Variants in PLEKHA1 observed in about 807,000 individuals in gnomAD.
PLEKHA1 encodes pleckstrin homology domain containing A1.
A neutral mutation model predicts 52.0 loss-of-function variants in PLEKHA1; 34 were observed. The observed-to-expected ratio is 0.65, with a 90% CI of 0.50 to 0.87. The LOEUF (loss-of-function observed/expected upper bound fraction) is 0.87. Among genes scored for constraint, PLEKHA1 ranks in the 40% least tolerant of loss-of-function variants. The pLI is 0.00. For missense variants in PLEKHA1, 497 were observed against 504.2 expected, an observed-to-expected ratio of 0.99 and a Z score of 0.14; for synonymous variants, 163 against 170.7, an observed-to-expected ratio of 0.95 and a Z score of 0.35.
In PLEKHA1 at chr10:122,412,826, A is replaced by G. The variant is rs1013723709; in HGVS notation, c.343-94A>G. On this transcript the variant is annotated intron_variant, in intron 5 of 11. Transcript: ENST00000368990. ...ATTTTTATATGTATCTGTCAACCGT[A>G]TGCAAACGGATGAATAATTAGAAAT... is the stretch of plus-strand genomic sequence containing the variant. The G allele has an allele frequency of 2.2e-6, 3 of 1,370,584 alleles. No homozygotes were observed. The East Asian group carries it at 7.0e-5, about 32-fold the overall frequency. The allele number at this position is 1,370,584 out of a possible 1,614,324, so 84.9% of individuals were successfully genotyped here. A position where few individuals can be genotyped will look rare whatever the true frequency, so the allele number is the denominator to read the frequency against.
intron 4 of PLEKHA1, among the ~76,000 whole-genome samples, chr10:122,401,701 G>A (rs1376288437): frequency 1.3e-5 from 2 of 152,198 alleles, no homozygotes; most frequent in Non-Finnish European, 2.9e-5. Flanking sequence ...GTTGAAAAGT[G>A]GGTGGTAGTC....
At chr10:122,433,600 C>G (rs1201744860), downstream of PLEKHA1, 1 of 152,088 alleles carries the variant, frequency 6.6e-6, no homozygotes, top group Non-Finnish European at 1.5e-5. Context: ...CTTAGACCTT[C>G]AGATCTCTGT....
intron 5 of PLEKHA1, among the ~76,000 whole-genome samples, chr10:122,410,910 A>G (rs1590713403): frequency 6.6e-6 from 1 of 152,106 alleles, no homozygotes; most frequent in Non-Finnish European, 1.5e-5. Flanking sequence ...CTCTGGTTTC[A>G]GGTTCTCTTA....
intron 8 of PLEKHA1, chr10:122,423,672 ATAG>A: frequency 6.5e-6 from 1 of 152,772 alleles, no homozygotes; most frequent in Non-Finnish European, 1.5e-5. Flanking sequence ...CAGCACATGA[ATAG>A]TAGTACATGT....
intron 5 of PLEKHA1, chr10:122,411,653 G>T (rs2097108063): frequency 6.6e-6 from 1 of 152,154 alleles, no homozygotes; most frequent in Non-Finnish European, 1.5e-5. Context: ...CGAAGCAGGG[G>T]AATCTGAAGT....
intron 3 of PLEKHA1, 99 bp downstream of exon 3, chr10:122,398,073 T>A (rs2096875264): frequency 2.2e-6 from 2 of 922,514 alleles, no homozygotes; most frequent in African/African-American, 1.6e-5. Flanking sequence ...CCTTTAACAG[T>A]GATGTTCAGA....
At chr10:122,387,854 A>G (rs1386749333) in intron 1 of PLEKHA1, 2 of 152,188 alleles carry the variant, frequency 1.3e-5, no homozygotes, top group Admixed American at 1.3e-4. Context: ...GATTTCCTAC[A>G]TGACAGCTGA....
chr10:122,439,241 G>A, the PLEKHA1 span: 1 of 152,066 alleles, frequency 6.6e-6, no homozygotes, highest in African/African-American at 2.4e-5. Context: ...GTCAAGATAT[G>A]TTATTTTAAA....
At position 122,431,732 on chromosome 10, in the gene PLEKHA1, T is replaced by G. The variant is rs748895189; in HGVS notation, c.*1794T>G. 6.6e-5 allele frequency: 10 copies of G among 152,608 alleles called. No individual in the cohort carries two copies. Among genetic ancestry groups the G allele is most frequent in the Non-Finnish European group, 1.2e-4 (8 of 68,032 alleles). 9.5% of individuals were successfully genotyped at this position (152,608 alleles called of 1,614,324 possible). ...TTCATAAGCTAATATTTTTTTAAAG[T>G]TACATTAAGATTTTTTCTCTTTTGC... On this transcript the variant is annotated 3_prime_UTR_variant, in exon 12 of 12. Coordinates refer to ENST00000368990, the MANE Select transcript of PLEKHA1 (RefSeq NM_001001974.4).
At chr10:122,417,860 T>C (rs1199323224) in intron 7 of PLEKHA1, 40 bp from the exon 8 acceptor site, 1 of 1,501,264 alleles carries the variant, frequency 6.7e-7, no homozygotes, top group Non-Finnish European at 9.2e-7. Context: ...TTTGACATTC[T>C]TAGAAACACA....
chr10:122,413,070 G>T, intron 6 of PLEKHA1, 25 bp downstream of exon 6: 1 of 1,593,354 alleles, frequency 6.3e-7, no homozygotes, highest in Non-Finnish European at 8.6e-7. Context: ...CTTCTATTGT[G>T]TGAGGGTCTA....
intron 1 of PLEKHA1, among the ~76,000 whole-genome samples, chr10:122,379,432 G>A (rs201996453): frequency 6.6e-6 from 1 of 152,134 alleles, no homozygotes; most frequent in Non-Finnish European, 1.5e-5. Flanking sequence ...GTAGACACAT[G>A]GGGTCAGTCA....
At chr10:122,398,593 T>TTGTGTGTG (rs10653605) in intron 3 of PLEKHA1, among the ~76,000 whole-genome samples, 47 of 147,608 alleles carry the variant, frequency 3.2e-4, no homozygotes, top group African/African-American at 1.1e-3. Flanking sequence ...CCCTATGGGT[T>TTGTGTGTG]TGTGTGTGTG....
intron 1 of PLEKHA1, chr10:122,387,140 ATTG>A (rs2096710826): frequency 6.6e-6 from 1 of 152,030 alleles, no homozygotes; most frequent in East Asian, 1.9e-4. Flanking sequence ...TTTAATTTGT[ATTG>A]TTTGTTTTCA....
intron 2 of PLEKHA1, among the ~76,000 whole-genome samples, chr10:122,395,539 C>A (rs1202009725): frequency 6.6e-6 from 1 of 151,834 alleles, no homozygotes; most frequent in Non-Finnish European, 1.5e-5. Flanking sequence ...TTGACATAAG[C>A]AATTAGATTG....
intron 1 of PLEKHA1, among the ~76,000 whole-genome samples, chr10:122,377,047 C>T (rs564329996): frequency 6.6e-6 from 1 of 152,104 alleles, no homozygotes; most frequent in Admixed American, 6.5e-5. Context: ...TGCTGCAAAT[C>T]CCGAAGTTAT....
chr10:122,440,951 A>T, the PLEKHA1 span: 3 of 152,122 alleles, frequency 2.0e-5, no homozygotes, highest in Non-Finnish European at 4.4e-5. Flanking sequence ...AGGTGCTAAC[A>T]ATTACCTCAT....
At chr10:122,409,784 CTTT>C (rs745429398) in intron 5 of PLEKHA1, among the ~76,000 whole-genome samples, 2 of 143,022 alleles carry the variant, frequency 1.4e-5, no homozygotes, top group Admixed American at 7.0e-5. Context: ...TCTTTTTATC[CTTT>C]TTTTTTTTTT....
chr10:122,394,845 T>C (rs1428131602), intron 2 of PLEKHA1, among the ~76,000 whole-genome samples: 2 of 152,226 alleles, frequency 1.3e-5, no homozygotes, highest in Non-Finnish European at 2.9e-5. Context: ...AGCTCCTTGA[T>C]TATTTTTCTG....
Sources: gnomAD v4.1 joint callset for allele counts (sites outside exome capture counted in the v4.1 genomes callset) on GRCh38, gnomAD v4.1.1 for gene constraint, MANE v1.5 for transcripts, NCBI Gene and HGNC (gene_info 2026-07-23, HGNC 2026-07-21) for gene names.